The following RBMS3 variants were observed in gnomAD, a reference collection of about 807,000 sequenced individuals.
RBMS3 encodes RNA-binding motif, single-stranded-interacting protein 3.
In RBMS3, 27 loss-of-function variants were observed where a neutral mutation model predicts 66.8. The ratio of observed to expected loss-of-function variants is 0.40; its 90% confidence interval spans 0.30 to 0.56. RBMS3 has a LOEUF of 0.56. RBMS3 is among the 20% of genes least tolerant of loss of function. RBMS3 has a pLI of 0.40. For missense variants in RBMS3, 513 were observed against 549.5 expected (o/e 0.93, Z 0.66); for synonymous variants, 188 against 183.0 (o/e 1.03, Z -0.22).
chr3:29,498,519 A>T (rs960080211), intron 3 of RBMS3, among the ~76,000 whole-genome samples: 2 of 152,306 alleles, frequency 1.3e-5, no homozygotes, highest in Admixed American at 1.3e-4. Context: ...TTGTAATACT[A>T]TGTAAATAAC....
chr3:29,886,642 T>C (rs2059877973), intron 8 of RBMS3, among the ~76,000 whole-genome samples: 1 of 151,894 alleles, frequency 6.6e-6, no homozygotes, highest in Non-Finnish European at 1.5e-5. Context: ...AAAAGTTTTT[T>C]TGTTGTCAGA....
chr3:29,371,661 G>A (rs922622940), intron 1 of RBMS3, among the ~76,000 whole-genome samples: 2 of 152,172 alleles, frequency 1.3e-5, no homozygotes, highest in African/African-American at 2.4e-5. Flanking sequence ...TTTAAAGGAA[G>A]GTATGACATG....
At chr3:29,596,730 G>A (rs749935712) in intron 4 of RBMS3, among the ~76,000 whole-genome samples, 4 of 152,114 alleles carry the variant, frequency 2.6e-5, no homozygotes, top group Admixed American at 2.0e-4. Context: ...TTTCTGAAAC[G>A]GAATAACAGA....
At chr3:29,784,269 A>G (rs1399607480) in intron 6 of RBMS3, among the ~76,000 whole-genome samples, 3 of 152,064 alleles carry the variant, frequency 2.0e-5, no homozygotes, top group Non-Finnish European at 4.4e-5. Context: ...CACATGGAGC[A>G]TTCTCCAAGA....
intron 4 of RBMS3, among the ~76,000 whole-genome samples, chr3:29,686,614 G>T (rs2051744303): frequency 6.6e-6 from 1 of 152,114 alleles, no homozygotes; most frequent in Non-Finnish European, 1.5e-5. Flanking sequence ...GAGTGCAGGA[G>T]TTCTAAATTA....
chr3:29,911,498 C>T (rs933195468), intron 10 of RBMS3, among the ~76,000 whole-genome samples: 8 of 151,988 alleles, frequency 5.3e-5, no homozygotes, highest in Middle Eastern at 3.2e-3. Flanking sequence ...CACCAATATC[C>T]GATGTGCCCT....
intron 4 of RBMS3, among the ~76,000 whole-genome samples, chr3:29,737,768 T>G (rs1394959478): frequency 6.6e-6 from 1 of 151,898 alleles, no homozygotes; most frequent in African/African-American, 2.4e-5. Context: ...TTATCTCTGT[T>G]TTTTCTCTAG....
Position 29,864,851 on chromosome 3 carries a change from AGGGAAG to A in RBMS3, c.638-3994_638-3989del, listed in dbSNP as rs1158688304. ...GGGAAGGGAAGGGAAGGGAAGGGAA[AGGGAAG>A]GGGAAGGGGAAGAGAAGGAGGGAGG... On this transcript the variant is annotated intron_variant, in intron 6 of 14. Coordinates refer to ENST00000383767, the MANE Select transcript of RBMS3 (RefSeq NM_001003793.3). Among the ~76,000 whole-genome samples the A allele has an allele frequency of 5.1e-5, 7 of 136,076 alleles. 1 individual carries two copies. The highest frequency in any genetic ancestry group is 1.4e-4 in the Admixed American group (2 of 13,810). 89.3% of individuals were successfully genotyped at this position (136,076 alleles called of 152,430 possible).
chr3:29,574,199 C>G (rs984968420), intron 3 of RBMS3, among the ~76,000 whole-genome samples: 3 of 152,108 alleles, frequency 2.0e-5, no homozygotes, highest in African/African-American at 7.2e-5. Context: ...CTACCTTTCT[C>G]TTTAGCTCTA....
intron 4 of RBMS3, among the ~76,000 whole-genome samples, chr3:29,730,601 G>A (rs193171178): frequency 5.8e-4 from 89 of 152,168 alleles, no homozygotes; most frequent in African/African-American, 1.8e-3. Context: ...TAGTTGTTTG[G>A]GGCATCATAG....
chr3:29,424,503 G>A (rs1559349929), intron 1 of RBMS3, among the ~76,000 whole-genome samples: 1 of 152,154 alleles, frequency 6.6e-6, no homozygotes, highest in Non-Finnish European at 1.5e-5. Context: ...AAGGAAACAG[G>A]GATACGTGTA....
intron 5 of RBMS3, among the ~76,000 whole-genome samples, chr3:29,747,158 C>G (rs1160441449): frequency 2.6e-5 from 4 of 152,114 alleles, no homozygotes; most frequent in African/African-American, 4.8e-5. Flanking sequence ...ATCATTTGAG[C>G]CTCTTTTATT....
chr3:29,753,464 A>C (rs1194634763), intron 5 of RBMS3, among the ~76,000 whole-genome samples: 1 of 152,106 alleles, frequency 6.6e-6, no homozygotes, highest in Non-Finnish European at 1.5e-5. Context: ...TGTTTCCTCC[A>C]CCTTCAAGTG....
chr3:29,323,564 A>G (rs2035132907), intron 1 of RBMS3, among the ~76,000 whole-genome samples: 1 of 152,088 alleles, frequency 6.6e-6, no homozygotes, highest in East Asian at 1.9e-4. Flanking sequence ...AGTAAAATTA[A>G]CAGTAGAAAG....
intron 7 of RBMS3, chr3:29,880,717 A>G (rs555225573): frequency 1.4e-6 from 2 of 1,446,660 alleles, no homozygotes; most frequent in African/African-American, 1.4e-5. Flanking sequence ...CCATGTTGTT[A>G]CCCACAATGT....
At chr3:29,530,162 G>A (rs779039857) in intron 3 of RBMS3, among the ~76,000 whole-genome samples, 4 of 152,112 alleles carry the variant, frequency 2.6e-5, no homozygotes, top group South Asian at 2.1e-4. Context: ...ATGTATAGCC[G>A]GATCCAGAGC....
intron 6 of RBMS3, among the ~76,000 whole-genome samples, chr3:29,806,163 G>T (rs891062844): frequency 1.3e-5 from 2 of 151,842 alleles, no homozygotes; most frequent in African/African-American, 4.8e-5. Flanking sequence ...CAGAGAACTC[G>T]AAACCTACAG....
chr3:29,513,873 G>A (rs980425329), intron 3 of RBMS3, among the ~76,000 whole-genome samples: 5 of 152,100 alleles, frequency 3.3e-5, no homozygotes, highest in African/African-American at 1.2e-4. Flanking sequence ...CCATAGCTGA[G>A]ATGAATAAAA....
At chr3:29,759,261 T>A (rs1206904835) in intron 5 of RBMS3, among the ~76,000 whole-genome samples, 1 of 151,948 alleles carries the variant, frequency 6.6e-6, no homozygotes, top group Non-Finnish European at 1.5e-5. Flanking sequence ...TTCAAATAAC[T>A]GAAGCCAGTG....
Sources: allele counts gnomAD v4.1 joint callset (sites outside exome capture counted in the v4.1 genomes callset), GRCh38; gene constraint gnomAD v4.1.1; transcripts MANE v1.5; gene names NCBI Gene and HGNC (gene_info 2026-07-23, HGNC 2026-07-21).